NPAT: variants seen among roughly 807,000 people sequenced by gnomAD.
NPAT encodes nuclear protein, coactivator of histone transcription.
Under a neutral mutation model 130.7 loss-of-function variants are expected in NPAT, and 52 were observed. The ratio of observed to expected loss-of-function variants is 0.40; its 90% CI spans 0.32 to 0.50. The LOEUF is 0.50. NPAT is among the 20% of genes least tolerant of loss of function. NPAT has a pLI of 0.68. For synonymous variants in NPAT, 580 were observed against 584.8 expected (o/e 0.99, Z 0.12); for missense variants, 1,687 against 1,662.6 (o/e 1.01, Z -0.26).
intron 10 of NPAT, among the ~76,000 whole-genome samples, chr11:108,181,874 C>T (rs2078061504): frequency 6.6e-6 from 1 of 152,098 alleles, no homozygotes; most frequent in Non-Finnish European, 1.5e-5. Flanking sequence ...GTATCTTTTC[C>T]TGAGAATCTG....
At chr11:108,211,390 A>G (rs1255460345) in intron 1 of NPAT, among the ~76,000 whole-genome samples, 1 of 152,074 alleles carries the variant, frequency 6.6e-6, no homozygotes, top group Admixed American at 6.5e-5. Context: ...AAAAAATACA[A>G]AAGTTAGCTG....
intron 1 of NPAT, among the ~76,000 whole-genome samples, chr11:108,216,903 C>T (rs778516188): frequency 6.6e-6 from 1 of 152,052 alleles, no homozygotes; most frequent in African/African-American, 2.4e-5. Context: ...CCCAAAAGTT[C>T]CAAAATAATG....
At chr11:108,190,817 A>G (rs970076139) in intron 4 of NPAT, among the ~76,000 whole-genome samples, 1 of 152,218 alleles carries the variant, frequency 6.6e-6, no homozygotes, top group Non-Finnish European at 1.5e-5. Flanking sequence ...TCATGCCTGC[A>G]ATCCCAGCAC....
In NPAT at chr11:108,160,946, T is replaced by C. The variant is rs2134817354; in HGVS notation, c.4140A>G (p.Arg1380=). The C allele has an allele frequency of 6.2e-7, 1 of 1,614,198 alleles. No homozygotes were observed. Among genetic ancestry groups the C allele is most frequent in the Middle Eastern group, 1.7e-4 (1 of 6,060 alleles). Residue 1380 remains arginine, a synonymous_variant, in exon 17 of 18, where the codon CGA becomes CGG. Coordinates refer to ENST00000278612, the MANE Select transcript of NPAT (RefSeq NM_002519.3). ...GATTTTTACTAGAAGGACGAGAGTTTCGCTCACGTTCATCTAATTCCTCAA... is the reference window on the plus strand; with the variant it reads ...GATTTTTACTAGAAGGACGAGAGTTCCGCTCACGTTCATCTAATTCCTCAA... ...RKIEELDERE[R]NSRPSSKNLT...
In NPAT at chr11:108,161,407, C is replaced by T. The variant is rs1055252784; in HGVS notation, c.3679G>A (p.Val1227Met). 7 of 1,614,080 alleles carry T rather than the reference C, an allele frequency of 4.3e-6. No homozygotes were observed. The highest frequency in any genetic ancestry group is 5.9e-6 in the Non-Finnish European group (7 of 1,180,036). The change falls in exon 17 of 18, where the codon GTG becomes ATG. Residue 1227 changes from valine to methionine, a missense_variant. Transcript: ENST00000278612. Reference protein sequence around the residue: ...NKNVLSVGTAVKDLKQEQTKS... With the variant: ...NKNVLSVGTAMKDLKQEQTKS... ...GTTTGTTCTTGTTTTAGATCCTTCA[C>T]AGCTGTACCTACTGAAAGTACATTT...
chr11:108,163,152 T>C (rs2077869063), intron 15 of NPAT, among the ~76,000 whole-genome samples: 2 of 152,040 alleles, frequency 1.3e-5, no homozygotes, highest in Non-Finnish European at 2.9e-5. Flanking sequence ...TGATCTTGGC[T>C]CACTGCAACC....
At chr11:108,181,018 T>C (rs1276158100) in intron 10 of NPAT, among the ~76,000 whole-genome samples, 2 of 152,164 alleles carry the variant, frequency 1.3e-5, no homozygotes, top group Admixed American at 6.5e-5. Flanking sequence ...AGAATGGTGG[T>C]TGGCAGGGGA....
At chr11:108,221,184 G>C (rs2078487956) in intron 1 of NPAT, among the ~76,000 whole-genome samples, 1 of 152,270 alleles carries the variant, frequency 6.6e-6, no homozygotes, top group East Asian at 1.9e-4. Flanking sequence ...ATCACAACTG[G>C]GTAAGGGTAG....
At chr11:108,195,779 A>G (rs2134873151) in intron 2 of NPAT, among the ~76,000 whole-genome samples, 1 of 152,216 alleles carries the variant, frequency 6.6e-6, no homozygotes, top group South Asian at 2.1e-4. Context: ...GTGCACCACT[A>G]TACCTGGCTA....
Position 108,161,871 on chromosome 11 carries a change from G to A in NPAT, c.3215C>T (p.Pro1072Leu), listed in dbSNP as rs1379712809. Residue 1072 changes from proline to leucine, a missense_variant, in exon 17 of 18, where the codon CCT (proline) becomes CTT (leucine). Around this residue, in one of 3 missense-constraint regions of NPAT, gnomAD observed 1,379 missense variants for 1,346.6 expected, o/e 1.02. Coordinates refer to ENST00000278612, the MANE Select transcript of NPAT (RefSeq NM_002519.3). ...RVLCFDSTTA[P>L]VANTQGPNHK... is the part of the protein sequence containing the mutation. ...GTTTGGCCCCTGCGTATTTGCCACAGGAGCAGTAGTGCTGTCGAAACAGAG... is the reference window on the plus strand; with the variant it reads ...GTTTGGCCCCTGCGTATTTGCCACAAGAGCAGTAGTGCTGTCGAAACAGAG... The A allele has an allele frequency of 1.9e-6, 3 of 1,614,132 alleles. No individual in the cohort carries two copies. In the East Asian group the frequency reaches 6.7e-5, roughly 36 times the overall value.
intron 1 of NPAT, among the ~76,000 whole-genome samples, chr11:108,214,037 A>G (rs1176786551): frequency 6.6e-6 from 1 of 152,100 alleles, no homozygotes; most frequent in East Asian, 1.9e-4. Flanking sequence ...AGAGGCATGT[A>G]CCACCAAATA....
intron 1 of NPAT, among the ~76,000 whole-genome samples, chr11:108,218,290 G>A (rs898322131): frequency 3.3e-5 from 5 of 152,024 alleles, no homozygotes; most frequent in East Asian, 1.9e-4. Context: ...GGAAACAACC[G>A]AAAAAGAGAA....
chr11:108,201,668 G>T (rs2078276543), intron 1 of NPAT, among the ~76,000 whole-genome samples: 1 of 152,232 alleles, frequency 6.6e-6, no homozygotes, highest in Non-Finnish European at 1.5e-5. Flanking sequence ...TGACCATGGG[G>T]TATAACGTAA....
At chr11:108,183,403 A>G (rs899805431) in intron 10 of NPAT, among the ~76,000 whole-genome samples, 3 of 152,198 alleles carry the variant, frequency 2.0e-5, no homozygotes, top group African/African-American at 7.2e-5. Context: ...TTGAAAGAAA[A>G]CCTGCTCTAA....
intron 17 of NPAT, among the ~76,000 whole-genome samples, chr11:108,160,475 C>A (rs1298196560): frequency 6.6e-6 from 1 of 152,042 alleles, no homozygotes; most frequent in Non-Finnish European, 1.5e-5. Flanking sequence ...TAGTTCTACA[C>A]AATAGTGTTT....
chr11:108,187,620 T>C (rs971649889), intron 7 of NPAT, among the ~76,000 whole-genome samples: 1 of 149,752 alleles, frequency 6.7e-6, no homozygotes, highest in African/African-American at 2.5e-5. Flanking sequence ...ATAAACATTT[T>C]AAAACTATTA....
At chr11:108,212,622 C>T (rs999906815) in intron 1 of NPAT, among the ~76,000 whole-genome samples, 1 of 150,986 alleles carries the variant, frequency 6.6e-6, no homozygotes, top group South Asian at 2.1e-4. Context: ...CCTAAGGAAG[C>T]CATAAAAAAC....
In NPAT at chr11:108,173,037, A is replaced by G; in HGVS notation, c.1947T>C (p.Asn649=). Residue 649 remains asparagine, a synonymous_variant, in exon 13 of 18, where the codon AAT becomes AAC. Transcript: ENST00000278612. ...SASVELNHTE[N]EAQASKSENS... is the part of the protein sequence containing the mutation. ...TCTCAGACTTGGATGCCTGAGCTTC[A>G]TTTTCTGTATGATTTAACTCAACAG... is the stretch of plus-strand genomic sequence containing the variant. 1 of 1,614,004 alleles carries G rather than the reference A, an allele frequency of 6.2e-7. No homozygotes were observed. The highest frequency in any genetic ancestry group is 8.5e-7 in the Non-Finnish European group (1 of 1,179,992).
In NPAT at chr11:108,194,893, G is replaced by A. The variant is rs367837604; in HGVS notation, c.157-876C>T. ...GGCTGGAGTGCAGTGGCACAATCTC[G>A]GCTCACCAAAACCTCTGTCTCCTGG... On this transcript the variant is annotated intron_variant, in intron 2 of 17. Coordinates refer to ENST00000278612, the MANE Select transcript of NPAT (RefSeq NM_002519.3). Among the ~76,000 whole-genome samples, 302 of 151,086 alleles carry A rather than the reference G, an allele frequency of 2.0e-3. 1 individual carries two copies. Among genetic ancestry groups the A allele is most frequent in the African/African-American group, 7.0e-3 (287 of 41,088 alleles).
Sources: allele counts gnomAD v4.1 joint callset (sites outside exome capture counted in the v4.1 genomes callset), GRCh38; gene constraint gnomAD v4.1.1; regional missense constraint gnomAD v4.1.1; transcripts MANE v1.5; gene names NCBI Gene and HGNC (gene_info 2026-07-23, HGNC 2026-07-21).